The following BRPF3 variants were observed in gnomAD, a reference collection of about 807,000 sequenced individuals.
The protein encoded by BRPF3 is bromodomain and PHD finger containing 3.
BRPF3 carries 18 observed loss-of-function variants against 102.0 expected under a neutral mutation model. That is an observed-to-expected ratio of 0.18 (90% CI 0.12 to 0.26). The LOEUF (loss-of-function observed/expected upper bound fraction) is 0.26. Among genes scored for constraint, BRPF3 ranks in the 10% least tolerant of loss-of-function variants. BRPF3 has a pLI of 1.00. For missense variants in BRPF3, 1,147 were observed against 1,567.8 expected (o/e 0.73, Z 4.53); for synonymous variants, 570 against 614.2 (o/e 0.93, Z 1.06).
At position 36,213,920 on chromosome 6, in the gene BRPF3, T is replaced by A; in HGVS notation, c.2523T>A (p.Thr841=). ...CTCCTCCGCCAACCCTGGAGCCCAC[T>A]GGGCCTGCACCTTCCTTGTCTGAGC... is the stretch of plus-strand genomic sequence containing the variant. ...KLPPPPTLEP[T]GPAPSLSEQE... Residue 841 remains threonine, a synonymous_variant, in exon 8 of 13, where the codon ACT becomes ACA. Coordinates refer to ENST00000357641, the MANE Select transcript of BRPF3 (RefSeq NM_015695.3). The A allele has an allele frequency of 6.2e-7, 1 of 1,613,290 alleles. No individual in the cohort carries two copies. Among genetic ancestry groups the A allele is most frequent in the Non-Finnish European group, 8.5e-7 (1 of 1,179,454 alleles).
chr6:36,207,480 A>G (rs1767947196), intron 4 of BRPF3, 36 bp downstream of exon 4: 2 of 1,607,606 alleles, frequency 1.2e-6, no homozygotes, highest in South Asian at 1.1e-5. Flanking sequence ...GCCCTAGTTC[A>G]AGGCCACTTT....
intron 2 of BRPF3, among the ~76,000 whole-genome samples, chr6:36,202,307 A>AG (rs971680362): frequency 6.6e-6 from 1 of 151,698 alleles, no homozygotes; most frequent in Non-Finnish European, 1.5e-5. Context: ...CCTGGGTATG[A>AG]GGGGGGTGGT....
chr6:36,210,290 G>A lies in BRPF3; in HGVS notation c.1941G>A (p.Leu647=), dbSNP rs1768054607. The A allele has an allele frequency of 6.2e-7, 1 of 1,614,240 alleles. No homozygotes were observed. The highest frequency in any genetic ancestry group is 8.5e-7 in the Non-Finnish European group (1 of 1,180,042). The change falls in exon 6 of 13, where the codon CTG becomes CTA. Residue 647 remains leucine (L), a synonymous_variant. Transcript: ENST00000357641. The surrounding 1 kb of genome is among the most constrained non-coding windows in gnomAD (Gnocchi z 4.7). ...STMRRKLESH[L]YRTLEEFEED... ...TGAGGCGGAAGCTGGAGTCCCACCT[G>A]TACCGCACCTTGGAGGAGTTTGAGG...
rs1767647390 is a variant in BRPF3 at position 36,200,328 on chromosome 6, G to A, written c.6G>A (p.Arg2=). The A allele has an allele frequency of 6.2e-7, 1 of 1,612,930 alleles. No homozygotes were observed. Among genetic ancestry groups the A allele is most frequent in the Non-Finnish European group, 8.5e-7 (1 of 1,179,208 alleles). Residue 2 remains arginine, a synonymous_variant, in exon 2 of 13, where the codon AGG becomes AGA. Transcript: ENST00000357641. This position sits in a 1 kb window ranked among gnomAD's most constrained non-coding sequence, Gnocchi z 5.3. ...CCCCTCAGTTCCCAGGTGCCATGAGGAAGCCTCGTCGGAAGTCCCGGCAGA... is the reference window on the plus strand; with the variant it reads ...CCCCTCAGTTCCCAGGTGCCATGAGAAAGCCTCGTCGGAAGTCCCGGCAGA... M[R]KPRRKSRQNA...
rs1467705842 is a variant in BRPF3, at chr6:36,229,070, G to T, written c.3434+14G>T. The T allele has an allele frequency of 1.2e-6, 2 of 1,612,598 alleles. No homozygotes were observed. The highest frequency in any genetic ancestry group is 1.7e-6 in the Non-Finnish European group (2 of 1,179,484). On this transcript the variant is annotated intron_variant, in intron 12 of 12. Coordinates refer to ENST00000357641, the MANE Select transcript of BRPF3 (RefSeq NM_015695.3). ...CAAGCGCACCTGGTTAGTGGGTGCTGCTGTGAGGGGGCTGAGGGGCACGCC... is the reference window on the plus strand; with the variant it reads ...CAAGCGCACCTGGTTAGTGGGTGCTTCTGTGAGGGGGCTGAGGGGCACGCC...
rs545977717 is a variant in BRPF3, at chr6:36,206,143, C to T, written c.1606-1170C>T. ...CATGCCCTCTTAATCTCAGCAATAGCTTTCTAGGTGATCTCCAGCCTCTAA... is the reference window on the plus strand; with the variant it reads ...CATGCCCTCTTAATCTCAGCAATAGTTTTCTAGGTGATCTCCAGCCTCTAA... On this transcript the variant is annotated intron_variant, in intron 3 of 12. Transcript: ENST00000357641. Among the ~76,000 whole-genome samples, 9 of 152,338 alleles carry T rather than the reference C, an allele frequency of 5.9e-5. No individual in the cohort carries two copies. In the South Asian group the frequency reaches 1.0e-3, roughly 18 times the overall value.
intron 5 of BRPF3, 56 bp downstream of exon 5, chr6:36,209,971 G>A: frequency 3.1e-6 from 5 of 1,602,248 alleles, no homozygotes; most frequent in Non-Finnish European, 4.3e-6. Flanking sequence ...AACAGGGTCT[G>A]AGTAGGCTAG....
At chr6:36,221,804 G>A (rs892961372) in intron 9 of BRPF3, among the ~76,000 whole-genome samples, 2 of 152,182 alleles carry the variant, frequency 1.3e-5, no homozygotes, top group African/African-American at 4.8e-5. Flanking sequence ...CCAGAGCAAA[G>A]AATTCTGGGC....
intron 9 of BRPF3, among the ~76,000 whole-genome samples, chr6:36,221,247 T>C (rs1440992198): frequency 1.3e-5 from 2 of 151,474 alleles, no homozygotes; most frequent in South Asian, 4.2e-4. Context: ...ACATTTTGCC[T>C]CTTTGCAATA....
intron 7 of BRPF3, 45 bp downstream of exon 7, chr6:36,211,605 G>A (rs946895005): frequency 6.5e-7 from 1 of 1,533,786 alleles, no homozygotes; most frequent in Non-Finnish European, 8.8e-7. Context: ...GGGTAAAGAG[G>A]GACAAAGGCT....
chr6:36,223,268 TTC>T (rs1335546771), intron 10 of BRPF3, among the ~76,000 whole-genome samples: 5 of 152,206 alleles, frequency 3.3e-5, no homozygotes, highest in Non-Finnish European at 5.9e-5. Context: ...TAGCATCAGT[TTC>T]TTTCTCGTAT....
chr6:36,205,758 G>A (rs1309922636), intron 3 of BRPF3, among the ~76,000 whole-genome samples: 1 of 152,084 alleles, frequency 6.6e-6, no homozygotes, highest in Non-Finnish European at 1.5e-5. Context: ...CTATCTGCTC[G>A]TTTGCTTGGA....
At chr6:36,218,578 GC>G (rs1768417354) in intron 9 of BRPF3, among the ~76,000 whole-genome samples, 2 of 150,770 alleles carry the variant, frequency 1.3e-5, no homozygotes, top group African/African-American at 4.9e-5. Flanking sequence ...TCCTGCCTCT[GC>G]CTCTTGAGTA....
chr6:36,200,516 A>G lies in BRPF3; in HGVS notation c.194A>G (p.Glu65Gly). 1 of 1,614,232 alleles carries G rather than the reference A, an allele frequency of 6.2e-7. No individual in the cohort carries two copies. Among genetic ancestry groups the G allele is most frequent in the Non-Finnish European group, 8.5e-7 (1 of 1,180,036 alleles). ...CCACTCAAAATCATTACTGAAGATG[A>G]GCTAACTGCCCAGGATATCACCGAA... ...YDPLKIITED[E>G]LTAQDITECN... The change falls in exon 2 of 13, where the codon GAG becomes GGG. Residue 65 changes from glutamate (E) to glycine (G), a missense_variant. Coordinates refer to ENST00000357641, the MANE Select transcript of BRPF3 (RefSeq NM_015695.3). The surrounding 1 kb of genome is among the most constrained non-coding windows in gnomAD (Gnocchi z 5.3).
At chr6:36,222,750 A>G (rs989183033) in intron 10 of BRPF3, among the ~76,000 whole-genome samples, 9 of 152,184 alleles carry the variant, frequency 5.9e-5, no homozygotes, top group Non-Finnish European at 8.8e-5. Flanking sequence ...GTCCCATTAT[A>G]TAGGAATGCT....
chr6:36,204,845 A>G, intron 3 of BRPF3, 31 bp downstream of exon 3: 1 of 1,604,358 alleles, frequency 6.2e-7, no homozygotes, highest in East Asian at 2.2e-5. Context: ...AGGCTGGTAG[A>G]GGGAGGTGGA....
At chr6:36,226,121 A>G (rs1300987874) in intron 11 of BRPF3, among the ~76,000 whole-genome samples, 1 of 152,182 alleles carries the variant, frequency 6.6e-6, no homozygotes, top group Non-Finnish European at 1.5e-5. Context: ...ATTTTTCACT[A>G]TGATAAACAG....
Position 36,204,646 on chromosome 6 carries a change from C to T in BRPF3, c.1449-12C>T. On this transcript the variant is annotated splice_polypyrimidine_tract_variant and intron_variant, in intron 2 of 12. Transcript: ENST00000357641. ...TGACCTTGTCTTTCACTTCCGTGTG[C>T]CTCTACTCAAGGTTGAACAAGATCT... 6.2e-7 allele frequency: 1 copy of T among 1,614,178 alleles called. No homozygotes were observed. The highest frequency in any genetic ancestry group is 8.5e-7 in the Non-Finnish European group (1 of 1,180,014).
chr6:36,226,684 G>A lies in BRPF3; in HGVS notation c.3279+1320G>A, dbSNP rs544235015. Among the ~76,000 whole-genome samples the A allele has an allele frequency of 7.9e-5, 12 of 152,346 alleles. 1 individual carries two copies. Among genetic ancestry groups the A allele is most frequent in the African/African-American group, 2.4e-4 (10 of 41,598 alleles). ...TTTAACAGCAGCCTTTTAAGATAAG[G>A]AGAGGAGGAATTCTGATCCTGTTTG... On this transcript the variant is annotated intron_variant, in intron 11 of 12. Transcript: ENST00000357641.
Sources: allele counts gnomAD v4.1 joint callset (sites outside exome capture counted in the v4.1 genomes callset), GRCh38; gene constraint gnomAD v4.1.1; non-coding constraint Gnocchi (gnomAD v3.1); transcripts MANE v1.5; gene names NCBI Gene and HGNC (gene_info 2026-07-23, HGNC 2026-07-21).